Variants in BTG4 observed in about 807,000 individuals in gnomAD.
BTG4 encodes the protein BTG anti-proliferation factor 4, also known as protein BTG4.
A neutral mutation model predicts 19.3 loss-of-function variants in BTG4; 10 were observed. That is an observed-to-expected ratio of 0.52 (90% confidence interval 0.32 to 0.88). BTG4 has a LOEUF of 0.88. Among genes scored for constraint, BTG4 ranks in the 40% least tolerant of loss-of-function variants. The pLI, the probability that BTG4 is intolerant of heterozygous loss-of-function variation, is 0.04. For synonymous variants in BTG4, 91 were observed against 95.7 expected, an observed-to-expected ratio of 0.95 and a Z score of 0.29; for missense variants, 238 against 281.9, an observed-to-expected ratio of 0.84 and a Z score of 1.11.
chr11:111,461,544 A>G, the BTG4 span, among the ~76,000 whole-genome samples: 1 of 152,156 alleles, frequency 6.6e-6, no homozygotes, highest in African/African-American at 2.4e-5. Flanking sequence ...AACACGGTGA[A>G]ACCCCGTCTC....
the BTG4 span, among the ~76,000 whole-genome samples, chr11:111,443,323 G>C: frequency 6.6e-6 from 1 of 152,124 alleles, no homozygotes. Context: ...TGTGGTCCTG[G>C]AACAGAAAAA....
chr11:111,454,963 C>A, the BTG4 span: 1 of 456,382 alleles, frequency 2.2e-6, no homozygotes, highest in Non-Finnish European at 4.4e-6. Context: ...TCTCTCACAG[C>A]TCAAACTCCT....
chr11:111,393,425 C>T, the BTG4 span, among the ~76,000 whole-genome samples: 2 of 152,178 alleles, frequency 1.3e-5, no homozygotes, highest in African/African-American at 4.8e-5. Context: ...ACAGAACCCA[C>T]GGGTGCCTGA....
At chr11:111,466,380 C>A (rs1195543501), downstream of BTG4, among the ~76,000 whole-genome samples, 2 of 152,208 alleles carry the variant, frequency 1.3e-5, no homozygotes, top group African/African-American at 4.8e-5. Flanking sequence ...ATATATTTAA[C>A]ATTTGCTGAA....
the BTG4 span, among the ~76,000 whole-genome samples, chr11:111,387,492 T>C: frequency 6.6e-6 from 1 of 152,208 alleles, no homozygotes; most frequent in Non-Finnish European, 1.5e-5. Flanking sequence ...AGTGCCAGTG[T>C]TCAGAAGCCA....
At chr11:111,422,854 G>A in the BTG4 span, among the ~76,000 whole-genome samples, 2 of 152,176 alleles carry the variant, frequency 1.3e-5, no homozygotes, top group African/African-American at 4.8e-5. Context: ...AGCTGTGGGT[G>A]GAGAGGGAGG....
the BTG4 span, among the ~76,000 whole-genome samples, chr11:111,441,636 C>T: frequency 2.0e-5 from 3 of 152,204 alleles, no homozygotes; most frequent in African/African-American, 4.8e-5. Flanking sequence ...GACTGTGCCT[C>T]GCTTTTGATC....
chr11:111,450,123 T>C, the BTG4 span: 2 of 152,232 alleles, frequency 1.3e-5, no homozygotes, highest in African/African-American at 4.8e-5. Flanking sequence ...ATTGTGTTCA[T>C]GAAAGAAGAG....
Position 111,495,096 on chromosome 11 carries a change from T to G in BTG4, c.*39A>C. On this transcript the variant is annotated 3_prime_UTR_variant, in exon 5 of 5. Coordinates refer to ENST00000692032, the MANE Select transcript of BTG4 (RefSeq NM_001367975.1). ...TTTATTTTAGAGAGAATAAAGGCAC[T>G]CCTCTGAGCTCTTGCCCACCACGTG... 6.8e-7 allele frequency: 1 copy of G among 1,473,442 alleles called. No individual in the cohort carries two copies. Among genetic ancestry groups the G allele is most frequent in the Non-Finnish European group, 9.0e-7 (1 of 1,114,666 alleles). 91.3% of individuals were successfully genotyped at this position (1,473,442 alleles called of 1,614,324 possible). A position where few individuals can be genotyped will look rare whatever the true frequency, so the allele number is the denominator to read the frequency against.
rs192534973 is a variant in BTG4 at position 111,468,520 on chromosome 11, A to T, written c.663-839T>A. 3.7e-3 allele frequency among the ~76,000 whole-genome samples: 570 copies of T among 152,350 alleles called. 32 individuals are homozygous for T. Among genetic ancestry groups the T allele is most frequent in the Admixed American group, 0.037 (560 of 15,306 alleles). On this transcript the variant is annotated intron_variant, in intron 5 of 5. Coordinates refer to the BTG4 transcript ENST00000356018. ...ACCAAAAACTCATAACCATGAGTCT[A>T]TGCAGCTGCCACTCACAGCTGAGTC...
At chr11:111,445,043 G>A in the BTG4 span, among the ~76,000 whole-genome samples, 3 of 152,218 alleles carry the variant, frequency 2.0e-5, no homozygotes, top group South Asian at 2.1e-4. Context: ...AAGCAGTGGC[G>A]AAGAAGAGAG....
At chr11:111,500,271 AC>A (rs1308979638) in intron 1 of BTG4, among the ~76,000 whole-genome samples, 1 of 152,242 alleles carries the variant, frequency 6.6e-6, no homozygotes, top group Non-Finnish European at 1.5e-5. Context: ...TGATTCTAAT[AC>A]CCATTAAGCG....
the BTG4 span, among the ~76,000 whole-genome samples, chr11:111,394,718 C>T: frequency 6.6e-6 from 1 of 152,192 alleles, no homozygotes; most frequent in Non-Finnish European, 1.5e-5. Flanking sequence ...TTGGCCTCCT[C>T]TTTAGACACT....
At chr11:111,385,255 G>A in the BTG4 span, 158 of 152,100 alleles carry the variant, frequency 1.0e-3, 1 homozygote, top group African/African-American at 3.7e-3. Context: ...GAATCTTTCT[G>A]TGAAAAACAG....
chr11:111,493,453 T>C (rs1865539005), downstream of BTG4, among the ~76,000 whole-genome samples: 3 of 152,256 alleles, frequency 2.0e-5, no homozygotes, highest in Middle Eastern at 3.4e-3. Flanking sequence ...TGGTTAAGGA[T>C]TAAACTAAAG....
intron 5 of BTG4, among the ~76,000 whole-genome samples, chr11:111,478,509 C>G (rs1017464447): frequency 6.6e-6 from 1 of 151,890 alleles, no homozygotes; most frequent in Non-Finnish European, 1.5e-5. Context: ...AGGAGAAAAC[C>G]TAATCAACAG....
At chr11:111,383,953 G>A in the BTG4 span, among the ~76,000 whole-genome samples, 1 of 152,016 alleles carries the variant, frequency 6.6e-6, no homozygotes, top group Non-Finnish European at 1.5e-5. Context: ...TCTTAAATAA[G>A]CTAATTCTCA....
At chr11:111,453,110 G>A in the BTG4 span, among the ~76,000 whole-genome samples, 1 of 152,292 alleles carries the variant, frequency 6.6e-6, no homozygotes, top group South Asian at 2.1e-4. Context: ...ACTAAAATGG[G>A]ATGGCCTCCA....
At chr11:111,408,192 G>A in the BTG4 span, among the ~76,000 whole-genome samples, 5 of 152,210 alleles carry the variant, frequency 3.3e-5, no homozygotes, top group African/African-American at 9.7e-5. Context: ...CTGGAGCTGA[G>A]GCCACACTTG....
Sources: allele counts gnomAD v4.1 joint callset (sites outside exome capture counted in the v4.1 genomes callset), GRCh38; gene constraint gnomAD v4.1.1; transcripts MANE v1.5; gene names NCBI Gene and HGNC (gene_info 2026-07-23, HGNC 2026-07-21).